The following ACSL3 variants were observed in gnomAD, a reference collection of about 807,000 sequenced individuals.
The protein encoded by ACSL3 is acyl-CoA synthetase long chain family member 3.
A neutral mutation model predicts 84.7 loss-of-function variants in ACSL3; 34 were observed. The ratio of observed to expected loss-of-function variants is 0.40; its 90% CI spans 0.31 to 0.53. The LOEUF (loss-of-function observed/expected upper bound fraction) is 0.53, where lower values mean the gene tolerates loss of function less well. Ranked by LOEUF, ACSL3 falls within the 20% of genes least tolerant of loss-of-function variation. The pLI is 0.48. For synonymous variants in ACSL3, 315 were observed against 299.4 expected, an observed-to-expected ratio of 1.05 and a Z score of -0.54; for missense variants, 680 against 873.1, an observed-to-expected ratio of 0.78 and a Z score of 2.79.
Position 222,921,333 on chromosome 2 carries a change from A to G in ACSL3, c.859A>G (p.Thr287Ala). 6.2e-7 allele frequency: 1 copy of G among 1,604,086 alleles called. No homozygotes were observed. Among genetic ancestry groups the G allele is most frequent in the South Asian group, 1.1e-5 (1 of 90,758 alleles). Residue 287 changes from threonine (T) to alanine (A), a missense_variant, in exon 8 of 17, where the codon ACA becomes GCA. Physicochemically the swap from Thr to Ala is moderately conservative, Grantham distance 58 (BLOSUM62 0). Coordinates refer to ENST00000357430, the MANE Select transcript of ACSL3 (RefSeq NM_004457.5). ...CTCAGATATTGCAGTAATCATGTAC[A>G]CAAGTGGATCCACAGGACTTCCAAA... ...LPSDIAVIMY[T>A]SGSTGLPKGV...
Position 222,916,314 on chromosome 2 carries a change from A to G in ACSL3, c.379-5A>G. 2.0e-6 allele frequency: 3 copies of G among 1,498,786 alleles called. No homozygotes were observed. The highest frequency in any genetic ancestry group is 4.4e-5 in the Admixed American group (2 of 45,906). 92.8% of individuals were successfully genotyped at this position (1,498,786 alleles called of 1,614,324 possible). On this transcript the variant is annotated splice_region_variant and splice_polypyrimidine_tract_variant and intron_variant, in intron 4 of 16. Transcript: ENST00000357430. Reference sequence around the variant, plus strand: ...CATTAAAAAAATTTTTTTTTGTTTTATCAGGTTATTCTTGGACAGTATAAT... The same window carrying G: ...CATTAAAAAAATTTTTTTTTGTTTTGTCAGGTTATTCTTGGACAGTATAAT...
At chr2:222,907,584 G>A (rs1390288753) in intron 3 of ACSL3, among the ~76,000 whole-genome samples, 1 of 152,000 alleles carries the variant, frequency 6.6e-6, no homozygotes, top group Non-Finnish European at 1.5e-5. Context: ...AGCATCATGA[G>A]AGCCTGTCTC....
chr2:222,888,198 A>G (rs1259526844), intron 2 of ACSL3, among the ~76,000 whole-genome samples: 1 of 152,196 alleles, frequency 6.6e-6, no homozygotes, highest in Non-Finnish European at 1.5e-5. Context: ...TTAATATGTG[A>G]TGGTCATTTA....
intron 1 of ACSL3, among the ~76,000 whole-genome samples, chr2:222,886,726 G>C (rs931143642): frequency 1.3e-5 from 2 of 152,084 alleles, no homozygotes; most frequent in African/African-American, 4.8e-5. Context: ...TACTTTTTGA[G>C]TTTTGGAAAT....
Position 222,908,914 on chromosome 2 carries a change from A to G in ACSL3, c.142A>G (p.Arg48Gly), listed in dbSNP as rs1696367908. The change falls in exon 4 of 17, where the codon AGA becomes GGA. Residue 48 changes from arginine to glycine, a missense_variant. This residue lies in a region of ACSL3 where 333 missense variants were observed against 347.5 expected (regional missense o/e 0.96). Transcript: ENST00000357430. ...TCCGTTTTATTTTTTCTCCGAGTCA[A>G]GACAAGAAAAATCAAACCGAATTAA... Reference protein sequence around the residue: ...YIPFYFFSESRQEKSNRIKAK... With the variant: ...YIPFYFFSESGQEKSNRIKAK... 1.9e-6 allele frequency: 3 copies of G among 1,612,646 alleles called. No homozygotes were observed. The highest frequency in any genetic ancestry group is 2.5e-6 in the Non-Finnish European group (3 of 1,179,412).
At chr2:222,879,154 C>CA (rs1321271985) in intron 1 of ACSL3, among the ~76,000 whole-genome samples, 3 of 152,024 alleles carry the variant, frequency 2.0e-5, no homozygotes, top group Non-Finnish European at 2.9e-5. Flanking sequence ...CCTGTCTCTA[C>CA]AAAAAATACC....
chr2:222,933,083 A>C, intron 14 of ACSL3, 83 bp from the exon 15 acceptor site: 468 of 635,586 alleles, frequency 7.4e-4, no homozygotes, highest in Non-Finnish European at 9.9e-4. Context: ...TACTTAGAGA[A>C]TGGCCAGTAT....
chr2:222,934,297 A>T (rs553730267), intron 15 of ACSL3, among the ~76,000 whole-genome samples: 34 of 152,352 alleles, frequency 2.2e-4, no homozygotes, highest in African/African-American at 7.0e-4. Context: ...GAAATTCATC[A>T]TGAAATGTCA....
intron 11 of ACSL3, among the ~76,000 whole-genome samples, chr2:222,925,681 C>G (rs948467783): frequency 6.6e-6 from 1 of 152,168 alleles, no homozygotes; most frequent in Non-Finnish European, 1.5e-5. Context: ...TGTGTTTTCA[C>G]TTAAGATTTT....
intron 15 of ACSL3, 182 bp downstream of exon 15, chr2:222,933,462 A>G (rs776885819): frequency 4.0e-6 from 2 of 501,238 alleles, no homozygotes; most frequent in Non-Finnish European, 7.1e-6. Flanking sequence ...GCTTCCCCTG[A>G]TCTTTCTCTC....
intron 16 of ACSL3, among the ~76,000 whole-genome samples, chr2:222,941,100 A>C (rs142368776): frequency 5.4e-4 from 82 of 152,068 alleles, no homozygotes; most frequent in African/African-American, 1.9e-3. Context: ...AATATTTTTA[A>C]GTTACTTATT....
In ACSL3 at chr2:222,916,389, G is replaced by C. The variant is rs749445859; in HGVS notation, c.449G>C (p.Gly150Ala). Residue 150 changes from glycine (G) to alanine (A), a missense_variant, in exon 5 of 17, where the codon GGA becomes GCA. This residue lies in a region of ACSL3 where 333 missense variants were observed against 347.5 expected (regional missense o/e 0.96). Transcript: ENST00000357430. ...GTTCGAGCCTTTAATTTTGGAAATG[G>C]ATTACAGATGTTGGGTCAGAAACCA... Reference protein sequence around the residue: ...VFVRAFNFGNGLQMLGQKPKT... With the variant: ...VFVRAFNFGNALQMLGQKPKT... 3 of 1,613,846 alleles carry C rather than the reference G, an allele frequency of 1.9e-6. No individual in the cohort carries two copies. The highest frequency in any genetic ancestry group is 1.7e-5 in the Admixed American group (1 of 59,988).
chr2:222,868,575 A>T (rs1695213586), intron 1 of ACSL3, among the ~76,000 whole-genome samples: 1 of 152,132 alleles, frequency 6.6e-6, no homozygotes, highest in Admixed American at 6.5e-5. Flanking sequence ...GTTAGTGGAG[A>T]TTGGGAAGAG....
intron 7 of ACSL3, 72 bp downstream of exon 7, chr2:222,919,274 T>G (rs1266757775): frequency 6.4e-7 from 1 of 1,561,962 alleles, no homozygotes; most frequent in Non-Finnish European, 8.7e-7. Flanking sequence ...TGCCAAAGTT[T>G]TGATTCTGAG....
intron 4 of ACSL3, 64 bp downstream of exon 4, chr2:222,909,214 A>G: frequency 6.7e-7 from 1 of 1,497,274 alleles, no homozygotes; most frequent in Non-Finnish European, 9.0e-7. Context: ...AAATGAAGTA[A>G]AGGGCAAGCA....
intron 1 of ACSL3, among the ~76,000 whole-genome samples, chr2:222,874,074 T>G (rs926225501): frequency 2.6e-5 from 4 of 152,140 alleles, no homozygotes; most frequent in African/African-American, 9.7e-5. Flanking sequence ...CAGGCTGGAG[T>G]GCAGTGACGT....
intron 11 of ACSL3, among the ~76,000 whole-genome samples, chr2:222,925,555 G>A (rs545668006): frequency 6.6e-6 from 1 of 152,034 alleles, no homozygotes; most frequent in Non-Finnish European, 1.5e-5. Context: ...AGCAATGACT[G>A]CACCACTGCA....
chr2:222,899,729 G>A (rs1167548144), intron 2 of ACSL3, among the ~76,000 whole-genome samples: 1 of 152,142 alleles, frequency 6.6e-6, no homozygotes, highest in African/African-American at 2.4e-5. Flanking sequence ...GTATACATGG[G>A]AAGATGTGCT....
intron 13 of ACSL3, among the ~76,000 whole-genome samples, chr2:222,929,648 C>T (rs886845528): frequency 2.0e-5 from 3 of 151,800 alleles, no homozygotes; most frequent in African/African-American, 7.3e-5. Flanking sequence ...CGTGGTGGTG[C>T]GTGCCTGTAA....
Sources: gnomAD v4.1 joint callset for allele counts (sites outside exome capture counted in the v4.1 genomes callset) on GRCh38, gnomAD v4.1.1 for gene constraint, gnomAD v4.1.1 regional missense constraint, MANE v1.5 for transcripts, NCBI Gene and HGNC (gene_info 2026-07-23, HGNC 2026-07-21) for gene names.